The following KIF13A variants were observed in gnomAD, a reference collection of about 807,000 sequenced individuals.
The protein encoded by KIF13A is kinesin-like protein KIF13A.
KIF13A carries 79 observed loss-of-function variants against 212.2 expected under a neutral mutation model. That is an observed-to-expected ratio of 0.37 (90% CI 0.31 to 0.45). The LOEUF is 0.45. Among genes scored for constraint, KIF13A ranks in the 20% least tolerant of loss-of-function variants. The pLI, the probability that KIF13A is intolerant of heterozygous loss-of-function variation, is 1.00. For synonymous variants in KIF13A, 789 were observed against 808.6 expected (o/e 0.98, Z 0.41); for missense variants, 1,901 against 2,209.0 (o/e 0.86, Z 2.79).
intron 17 of KIF13A, among the ~76,000 whole-genome samples, chr6:17,815,907 CTTT>C (rs57780326): frequency 1.0e-4 from 13 of 130,530 alleles, no homozygotes; most frequent in South Asian, 2.5e-4. Flanking sequence ...TAGTCAGGTT[CTTT>C]TTTTTTTTTT....
chr6:17,827,083 A>T (rs1261610627), intron 14 of KIF13A, among the ~76,000 whole-genome samples: 1 of 100,364 alleles, frequency 1.0e-5, no homozygotes, highest in Admixed American at 9.2e-5. Context: ...AAAAAAAAAT[A>T]AATAAATAAA....
At position 17,837,153 on chromosome 6, in the gene KIF13A, G is replaced by T; in HGVS notation, c.943-63C>A. On this transcript the variant is annotated intron_variant, in intron 10 of 38. Coordinates refer to ENST00000259711, the MANE Select transcript of KIF13A (RefSeq NM_022113.6). This position sits in a 1 kb window ranked among gnomAD's most constrained non-coding sequence, Gnocchi z 5.4. ...TCCATGGACAACACATATGATAAAA[G>T]CACTAAATGTGTTAGGTATGACATT... 1 of 1,360,604 alleles carries T rather than the reference G, an allele frequency of 7.3e-7. No homozygotes were observed. The highest frequency in any genetic ancestry group is 1.0e-6 in the Non-Finnish European group (1 of 958,034). 84.3% of individuals were successfully genotyped at this position (1,360,604 alleles called of 1,614,324 possible).
Position 17,828,417 on chromosome 6 carries a change from C to T in KIF13A, c.1402-47G>A. ...AAGAAAAACCCACATTTATGAGTAA[C>T]TCAGCAAAAATGTATCACAATCAAT... On this transcript the variant is annotated intron_variant, in intron 13 of 38. Coordinates refer to ENST00000259711, the MANE Select transcript of KIF13A (RefSeq NM_022113.6). This position sits in a 1 kb window ranked among gnomAD's most constrained non-coding sequence, Gnocchi z 4.3. The T allele has an allele frequency of 6.4e-7, 1 of 1,554,766 alleles. No homozygotes were observed. The highest frequency in any genetic ancestry group is 8.8e-7 in the Non-Finnish European group (1 of 1,141,326).
In KIF13A at chr6:17,783,658, G is replaced by T; in HGVS notation, c.3532C>A (p.Leu1178Ile). The change falls in exon 29 of 39, where the codon CTC (leucine) becomes ATC (isoleucine). Residue 1178 changes from leucine to isoleucine, a missense_variant. Leu to Ile is a conservative substitution (Grantham distance 5, BLOSUM62 2). This residue lies in a region of KIF13A where 168 missense variants were observed against 250.9 expected (regional missense o/e 0.67). Coordinates refer to ENST00000259711, the MANE Select transcript of KIF13A (RefSeq NM_022113.6). The surrounding 1 kb of genome is among the most constrained non-coding windows in gnomAD (Gnocchi z 4.3). The part of the protein sequence containing the change: ...GMETHIPVLF[L>I]DLNADDLSAN... ...AGTGTCTACTTACCATTCAAATCGA[G>T]GAAGAGAACTGGTATGTGGGTTTCC... 6.3e-7 allele frequency: 1 copy of T among 1,579,422 alleles called. No individual in the cohort carries two copies. Among genetic ancestry groups the T allele is most frequent in the Non-Finnish European group, 8.6e-7 (1 of 1,158,600 alleles).
At chr6:17,940,267 C>T (rs1226523404) in intron 2 of KIF13A, among the ~76,000 whole-genome samples, 2 of 151,940 alleles carry the variant, frequency 1.3e-5, no homozygotes, top group African/African-American at 4.8e-5. Context: ...AATATGTATA[C>T]GGATGCTTCA....
chr6:17,811,731 C>T lies in KIF13A; in HGVS notation c.2001-2801G>A, dbSNP rs1763437104. Among the ~76,000 whole-genome samples the T allele has an allele frequency of 1.3e-5, 2 of 152,200 alleles. No homozygotes were observed. Among genetic ancestry groups the T allele is most frequent in the East Asian group, 3.8e-4 (2 of 5,204 alleles). ...GACATCTTACTTTTATCCAGTGAAA[C>T]CTGACAAAATCAATAATGCAACTAT... On this transcript the variant is annotated intron_variant, in intron 17 of 38. Transcript: ENST00000259711. This position sits in a 1 kb window ranked among gnomAD's most constrained non-coding sequence, Gnocchi z 6.0.
chr6:17,859,865 G>GACCTC (rs1430589651), intron 4 of KIF13A, among the ~76,000 whole-genome samples: 1 of 151,704 alleles, frequency 6.6e-6, no homozygotes, highest in Non-Finnish European at 1.5e-5. Context: ...TCGAACTCCT[G>GACCTC]ACCTCGTGAT....
rs974549971 is a variant in KIF13A, at chr6:17,900,687, C to G, written c.147-2507G>C. On this transcript the variant is annotated intron_variant, in intron 2 of 38. Transcript: ENST00000259711. The surrounding 1 kb of genome is among the most constrained non-coding windows in gnomAD (Gnocchi z 4.6). ...TCATTGATACATCCTCTACTTCATT[C>G]ACTGATACAACCTGTACTTCATTCA... 4.7e-4 allele frequency among the ~76,000 whole-genome samples: 71 copies of G among 152,162 alleles called. No individual in the cohort carries two copies. Among genetic ancestry groups the G allele is most frequent in the African/African-American group, 1.7e-3 (71 of 41,424 alleles).
intron 2 of KIF13A, among the ~76,000 whole-genome samples, chr6:17,921,242 G>C (rs1775044161): frequency 6.6e-6 from 1 of 152,204 alleles, no homozygotes; most frequent in Non-Finnish European, 1.5e-5. Flanking sequence ...GCACTGAGAA[G>C]TTGTGCAGTA....
At chr6:17,896,698 A>G (rs375700743) in intron 3 of KIF13A, among the ~76,000 whole-genome samples, 7 of 152,242 alleles carry the variant, frequency 4.6e-5, no homozygotes, top group African/African-American at 1.7e-4. Flanking sequence ...TAGGCTATAT[A>G]TACTCACTAG....
chr6:17,838,052 C>T lies in KIF13A; in HGVS notation c.831-469G>A, dbSNP rs1238403320. ...TTAAATGCAGCTGGGAGTGGTGGCTCACACCTGTAATCCCAGCACTTTGGG... is the reference window on the plus strand; with the variant it reads ...TTAAATGCAGCTGGGAGTGGTGGCTTACACCTGTAATCCCAGCACTTTGGG... On this transcript the variant is annotated intron_variant, in intron 9 of 38. Transcript: ENST00000259711. The surrounding 1 kb of genome is among the most constrained non-coding windows in gnomAD (Gnocchi z 4.2). Among the ~76,000 whole-genome samples the T allele has an allele frequency of 6.6e-6, 1 of 151,946 alleles. No homozygotes were observed. Among genetic ancestry groups the T allele is most frequent in the Non-Finnish European group, 1.5e-5 (1 of 68,000 alleles).
rs1326389669 is a variant in KIF13A at position 17,913,232 on chromosome 6, A to T, written c.147-15052T>A. 2.6e-5 allele frequency among the ~76,000 whole-genome samples: 4 copies of T among 152,054 alleles called. No individual in the cohort carries two copies. In the East Asian group the frequency reaches 5.8e-4, roughly 22 times the overall value. On this transcript the variant is annotated intron_variant, in intron 2 of 38. Coordinates refer to ENST00000259711, the MANE Select transcript of KIF13A (RefSeq NM_022113.6). ...GGACGGGATTACGGGAGGAGCAGGG[A>T]GCTGGAATGTAGCTGTTCCCAGGAC...
chr6:17,837,410 ACT>A lies in KIF13A; in HGVS notation c.942+60_942+61del. On this transcript the variant is annotated intron_variant, in intron 10 of 38. Transcript: ENST00000259711. The surrounding 1 kb of genome is among the most constrained non-coding windows in gnomAD (Gnocchi z 5.4). ...TTTGGTTAGCTTTGTACACACCTTT[ACT>A]CTGTCACATCTGGAATAGCCAATTT... The A allele has an allele frequency of 9.0e-7, 1 of 1,108,488 alleles. No homozygotes were observed. Among genetic ancestry groups the A allele is most frequent in the Non-Finnish European group, 1.3e-6 (1 of 743,506 alleles). The allele number at this position is 1,108,488 out of a possible 1,614,324, so 68.7% of individuals were successfully genotyped here.
At chr6:17,884,634 G>A (rs1465222036) in intron 3 of KIF13A, among the ~76,000 whole-genome samples, 5 of 152,188 alleles carry the variant, frequency 3.3e-5, no homozygotes, top group Non-Finnish European at 5.9e-5. Flanking sequence ...ACTTCCTAGC[G>A]CCCAAATCTA....
In KIF13A at chr6:17,809,602, C is replaced by A; in HGVS notation, c.2001-672G>T. Among the ~76,000 whole-genome samples, 1 of 152,180 alleles carries A rather than the reference C, an allele frequency of 6.6e-6. No homozygotes were observed. Among genetic ancestry groups the A allele is most frequent in the East Asian group, 1.9e-4 (1 of 5,196 alleles). On this transcript the variant is annotated intron_variant, in intron 17 of 38. Transcript: ENST00000259711. This position sits in a 1 kb window ranked among gnomAD's most constrained non-coding sequence, Gnocchi z 4.7. ...ACTAGGCTGTTAGGTTGCCCCAAGGCAGGGACCATGTCTTTTTTTGCTTGC... is the reference window on the plus strand; with the variant it reads ...ACTAGGCTGTTAGGTTGCCCCAAGGAAGGGACCATGTCTTTTTTTGCTTGC...
chr6:17,942,856 G>C (rs1227329756), intron 2 of KIF13A, among the ~76,000 whole-genome samples: 1 of 151,900 alleles, frequency 6.6e-6, no homozygotes, highest in Non-Finnish European at 1.5e-5. Context: ...CAACACGCCT[G>C]TAATCCCAGC....
chr6:17,770,796 T>C, intron 38 of KIF13A: 1 of 966,016 alleles, frequency 1.0e-6, no homozygotes, highest in African/African-American at 1.7e-5. Context: ...ATCTAGGCAA[T>C]ATGTATAGGC....
intron 2 of KIF13A, among the ~76,000 whole-genome samples, chr6:17,937,683 C>T (rs1423297041): frequency 6.6e-6 from 1 of 151,910 alleles, no homozygotes; most frequent in Non-Finnish European, 1.5e-5. Flanking sequence ...TAAGAATGTA[C>T]AAGAACCTAG....
intron 2 of KIF13A, among the ~76,000 whole-genome samples, chr6:17,908,397 C>T (rs1773717244): frequency 6.6e-6 from 1 of 152,096 alleles, no homozygotes; most frequent in South Asian, 2.1e-4. Flanking sequence ...CCCAGGAGTT[C>T]AAGACCAGCC....
Sources: allele counts gnomAD v4.1 joint callset (sites outside exome capture counted in the v4.1 genomes callset), GRCh38; gene constraint gnomAD v4.1.1; regional missense constraint gnomAD v4.1.1; non-coding constraint Gnocchi (gnomAD v3.1); transcripts MANE v1.5; gene names NCBI Gene and HGNC (gene_info 2026-07-23, HGNC 2026-07-21).